The following ZNF407 variants were observed in gnomAD, a reference collection of about 807,000 sequenced individuals.
ZNF407 encodes the protein zinc finger protein 407.
A neutral mutation model predicts 131.2 loss-of-function variants in ZNF407; 17 were observed. That is an observed-to-expected ratio of 0.13 (90% CI 0.09 to 0.19). The LOEUF is 0.19. ZNF407 is among the 10% of genes least tolerant of loss of function. ZNF407 has a pLI of 1.00. For synonymous variants in ZNF407, 1,156 were observed against 1,062.0 expected (o/e 1.09, Z -1.72); for missense variants, 2,681 against 2,830.6 (o/e 0.95, Z 1.20).
intron 3 of ZNF407, among the ~76,000 whole-genome samples, chr18:74,676,483 C>G (rs1210515391): frequency 1.3e-5 from 2 of 149,066 alleles, no homozygotes; most frequent in Non-Finnish European, 3.0e-5. Context: ...GTCACCCAGG[C>G]TGGAGTGCAG....
rs1018731966 is a variant in ZNF407, at chr18:74,852,131, A to G, written c.4878-25066A>G. Among the ~76,000 whole-genome samples, 10 of 152,108 alleles carry G rather than the reference A, an allele frequency of 6.6e-5. No individual in the cohort carries two copies. The South Asian group carries it at 2.1e-3, about 32-fold the overall frequency. On this transcript the variant is annotated intron_variant, in intron 4 of 8. Transcript: ENST00000299687. ...GTCAGGACTTTCTGGTCCTAAAAAC[A>G]TTCTGTGTTTATCTGTATGCATGGA... is the stretch of plus-strand genomic sequence containing the variant.
At position 74,806,217 on chromosome 18, in the gene ZNF407, C is replaced by T. The variant is rs553782901; in HGVS notation, c.4877+24715C>T. Among the ~76,000 whole-genome samples the T allele has an allele frequency of 1.9e-4, 29 of 152,316 alleles. 1 individual carries two copies. Among genetic ancestry groups the T allele is most frequent in the Non-Finnish European group, 3.8e-4 (26 of 68,032 alleles). On this transcript the variant is annotated intron_variant, in intron 4 of 8. Transcript: ENST00000299687. The stretch of plus-strand genomic sequence containing the variant: ...GCAGGCCCACACCTTGGCTAGGCCG[C>T]GCCCCTTACTTAGGATTACTTAGGT...
At chr18:74,698,904 A>T (rs1024393671) in intron 3 of ZNF407, among the ~76,000 whole-genome samples, 5 of 152,176 alleles carry the variant, frequency 3.3e-5, no homozygotes, top group Non-Finnish European at 5.9e-5. Flanking sequence ...AATAATAAAT[A>T]CCAATATTTA....
chr18:74,790,522 A>G (rs1234154040), intron 4 of ZNF407, among the ~76,000 whole-genome samples: 1 of 152,186 alleles, frequency 6.6e-6, no homozygotes, highest in Non-Finnish European at 1.5e-5. Context: ...TTCAGCTGGC[A>G]TCTAGAATAT....
intron 1 of ZNF407, among the ~76,000 whole-genome samples, chr18:74,616,723 T>C (rs1287554239): frequency 1.3e-5 from 2 of 151,354 alleles, no homozygotes; most frequent in Non-Finnish European, 2.9e-5. Flanking sequence ...CTCTTGCTCA[T>C]TCATGTCCAC....
chr18:74,637,810 T>C (rs1244050927), intron 2 of ZNF407, among the ~76,000 whole-genome samples: 1 of 152,238 alleles, frequency 6.6e-6, no homozygotes, highest in African/African-American at 2.4e-5. Context: ...TGATTTACTA[T>C]ATGTTTTATA....
At chr18:74,658,019 CTCT>C (rs1272531806) in intron 3 of ZNF407, among the ~76,000 whole-genome samples, 1 of 150,796 alleles carries the variant, frequency 6.6e-6, no homozygotes, top group Non-Finnish European at 1.5e-5. Flanking sequence ...CCTTTCCCTT[CTCT>C]TCTTCATGTG....
rs1428291206 is a variant in ZNF407, at chr18:74,720,543, CT to C, written c.4803-60881del. 1.5e-4 allele frequency among the ~76,000 whole-genome samples: 23 copies of C among 152,052 alleles called. 1 individual carries two copies. Among genetic ancestry groups the C allele is most frequent in the South Asian group, 4.1e-4 (2 of 4,820 alleles). On this transcript the variant is annotated intron_variant, in intron 3 of 8. Coordinates refer to ENST00000299687, the MANE Select transcript of ZNF407 (RefSeq NM_017757.3). ...TTTATTTTTGCTTTTGTTGCCTGTG[CT>C]TTTCAGGTCTTACTCATATAATATT...
intron 7 of ZNF407, among the ~76,000 whole-genome samples, chr18:74,916,270 C>A (rs1219194662): frequency 9.5e-6 from 1 of 104,932 alleles, no homozygotes; most frequent in East Asian, 3.2e-4. Flanking sequence ...TGGTTCGAAT[C>A]GGGAGTGTGT....
rs781159234 is a variant in ZNF407, at chr18:74,631,000, G to C, written c.-20G>C. 6.3e-7 allele frequency: 1 copy of C among 1,584,304 alleles called. No homozygotes were observed. The highest frequency in any genetic ancestry group is 1.4e-5 in the African/African-American group (1 of 73,724). On this transcript the variant is annotated 5_prime_UTR_variant, in exon 2 of 9. Coordinates refer to ENST00000299687, the MANE Select transcript of ZNF407 (RefSeq NM_017757.3). ...TGCCAGTGAGCCGCCTTAGATAGAAGCATCGTCAGCACTTTATTAATGATG... is the reference window on the plus strand; with the variant it reads ...TGCCAGTGAGCCGCCTTAGATAGAACCATCGTCAGCACTTTATTAATGATG...
At chr18:74,923,168 A>G (rs1971869041) in intron 8 of ZNF407, among the ~76,000 whole-genome samples, 1 of 152,150 alleles carries the variant, frequency 6.6e-6, no homozygotes, top group Non-Finnish European at 1.5e-5. Flanking sequence ...ATGAAAGACT[A>G]TATGTGAGTT....
At chr18:74,924,862 G>A (rs1971892301) in intron 8 of ZNF407, among the ~76,000 whole-genome samples, 1 of 152,128 alleles carries the variant, frequency 6.6e-6, no homozygotes, top group Admixed American at 6.5e-5. Flanking sequence ...ACGGCTCAAG[G>A]AGCTTGTTTA....
At chr18:74,965,870 C>T (rs532069027) in intron 8 of ZNF407, among the ~76,000 whole-genome samples, 5 of 152,246 alleles carry the variant, frequency 3.3e-5, no homozygotes, top group African/African-American at 1.2e-4. Flanking sequence ...TGAGATGATG[C>T]AATATCTCAT....
Position 74,916,629 on chromosome 18 carries a change from A to AGT in ZNF407, c.5250-3863_5250-3862dup, listed in dbSNP as rs111309427. On this transcript the variant is annotated intron_variant, in intron 7 of 8. Coordinates refer to ENST00000299687, the MANE Select transcript of ZNF407 (RefSeq NM_017757.3). ...GTATGCAGCATTGGTTCGAATCGGG[A>AGT]GTGTGTGTGTGTGTGTGTGTGTGCA... Among the ~76,000 whole-genome samples the AGT allele has an allele frequency of 8.9e-3, 527 of 59,440 alleles. 12 individuals are homozygous for AGT. Among genetic ancestry groups the AGT allele is most frequent in the South Asian group, 0.011 (18 of 1,656 alleles). The allele number at this position is 59,440 out of a possible 152,430, so 39.0% of individuals were successfully genotyped here.
intron 4 of ZNF407, among the ~76,000 whole-genome samples, chr18:74,787,803 G>A (rs192653490): frequency 1.4e-4 from 21 of 152,128 alleles, no homozygotes; most frequent in Admixed American, 7.2e-4. Context: ...AATTGACTCC[G>A]CTCATTTAGC....
intron 3 of ZNF407, among the ~76,000 whole-genome samples, chr18:74,702,681 T>G (rs1967527535): frequency 6.6e-6 from 1 of 152,172 alleles, no homozygotes; most frequent in Non-Finnish European, 1.5e-5. Context: ...AGAAGCAGCA[T>G]AGCATATACT....
At chr18:74,768,206 G>A (rs897936034) in intron 3 of ZNF407, among the ~76,000 whole-genome samples, 4 of 152,038 alleles carry the variant, frequency 2.6e-5, no homozygotes, top group Admixed American at 6.5e-5. Context: ...GGCACATCTC[G>A]CCTGCAAGCT....
At position 74,631,319 on chromosome 18, in the gene ZNF407, A is replaced by G. The variant is rs759330798; in HGVS notation, c.300A>G (p.Ser100=). 1 of 1,614,058 alleles carries G rather than the reference A, an allele frequency of 6.2e-7. No individual in the cohort carries two copies. The highest frequency in any genetic ancestry group is 1.1e-5 in the South Asian group (1 of 91,086). Residue 100 remains serine (S), a synonymous_variant, in exon 2 of 9, where the codon TCA becomes TCG. Transcript: ENST00000299687. ...GTAGATTAGAAACTTCTGAGAGCTCAGTCACAGAAGGGGGTATTGCATTAG... is the reference window on the plus strand; with the variant it reads ...GTAGATTAGAAACTTCTGAGAGCTCGGTCACAGAAGGGGGTATTGCATTAG... ...GICRLETSES[S]VTEGGIALDE... is the part of the protein sequence containing the mutation.
chr18:74,603,648 A>G (rs1350550424), intron 1 of ZNF407, among the ~76,000 whole-genome samples: 1 of 152,230 alleles, frequency 6.6e-6, no homozygotes, highest in Non-Finnish European at 1.5e-5. Context: ...GACGCCTGTG[A>G]AACAATAGAT....
Sources: gnomAD v4.1 joint callset for allele counts (sites outside exome capture counted in the v4.1 genomes callset) on GRCh38, gnomAD v4.1.1 for gene constraint, MANE v1.5 for transcripts, NCBI Gene and HGNC (gene_info 2026-07-23, HGNC 2026-07-21) for gene names.